Variants in LILRB3 observed in about 807,000 individuals in gnomAD.
The protein encoded by LILRB3 is leukocyte immunoglobulin-like receptor subfamily B member 3.
Under a neutral mutation model 68.2 loss-of-function variants are expected in LILRB3, and 32 were observed. The observed-to-expected ratio is 0.47, with a 90% CI of 0.35 to 0.63. The LOEUF (loss-of-function observed/expected upper bound fraction) is 0.63. LILRB3 is among the 30% of genes least tolerant of loss of function. The pLI, the probability that LILRB3 is intolerant of heterozygous loss-of-function variation, is 0.00. For missense variants in LILRB3, 502 were observed against 791.3 expected (o/e 0.63, Z 4.39); for synonymous variants, 185 against 323.1 (o/e 0.57, Z 4.58).
exon 9 of LILRB3, chr19:54,218,788 G>A: frequency 6.2e-7 from 1 of 1,614,100 alleles, no homozygotes; most frequent in Non-Finnish European, 8.5e-7. Context: ...CTGTCCTTGG[G>A]CTCTGTCTCC....
At chr19:54,219,160 G>T (rs61734492) in exon 8 of LILRB3, 1,492,333 of 1,606,916 alleles carry the variant, frequency 0.93, 693,859 homozygotes, top group East Asian at 1. Context: ...GACGCTGACG[G>T]AGGAGGAGGA....
intron 7 of LILRB3, chr19:54,219,497 T>G: frequency 6.5e-7 from 1 of 1,550,196 alleles, no homozygotes; most frequent in Non-Finnish European, 8.7e-7. Context: ...CCTGCAGCCC[T>G]TGTTCCTGCA....
At chr19:54,221,312 G>T in exon 5 of LILRB3, 2 of 1,557,150 alleles carry the variant, frequency 1.3e-6, no homozygotes, top group Non-Finnish European at 1.7e-6. Context: ...CACACTGGAG[G>T]GTCAGGCTCT....
At chr19:54,216,759 C>T (rs1344099639) in exon 13 of LILRB3, 10 of 1,198,722 alleles carry the variant, frequency 8.3e-6, no homozygotes, top group Non-Finnish European at 9.6e-6. Context: ...TCATAGCTCA[C>T]TGCAGCCTCA....
chr19:54,219,044 A>T lies in LILRB3; in HGVS notation c.1426+85T>A, dbSNP rs546938644. The T allele has an allele frequency of 1.9e-5, 29 of 1,535,382 alleles. No homozygotes were observed. The East Asian group carries it at 5.4e-4, about 29-fold the overall frequency. On this transcript the variant is annotated intron_variant, in intron 8 of 12. Transcript: ENST00000445347. ...CCCCTGGAACCGGTTTTCTAAACTG[A>T]CACCCCTGTGTGTTTGGGTTCCCTC...
exon 13 of LILRB3, chr19:54,216,523 G>T (rs2077494440): frequency 1.8e-6 from 1 of 551,814 alleles, no homozygotes; most frequent in Non-Finnish European, 2.3e-6. Flanking sequence ...TGTTAGCCAG[G>T]ATGGTCTCGA....
intron 7 of LILRB3, chr19:54,219,630 A>T (rs1314729175): frequency 2.0e-6 from 3 of 1,511,982 alleles, no homozygotes; most frequent in Middle Eastern, 2.3e-4. Context: ...CCCCTGTGGA[A>T]TCGGGTCTGG....
exon 13 of LILRB3, chr19:54,216,337 TCTCA>T (rs2147194585): frequency 7.0e-6 from 1 of 143,836 alleles, no homozygotes; most frequent in Non-Finnish European, 1.5e-5. Context: ...CGAGACGGAA[TCTCA>T]CTCTGTCGCC....
chr19:54,218,918 A>C, intron 8 of LILRB3, 80 bp from the exon 9 acceptor site: 1 of 1,597,084 alleles, frequency 6.3e-7, no homozygotes. Context: ...GGAAAGAAGG[A>C]AAACTAAAAA....
At chr19:54,217,880 G>A (rs1016579827) in intron 11 of LILRB3, among the ~76,000 whole-genome samples, 82 of 138,512 alleles carry the variant, frequency 5.9e-4, no homozygotes, top group African/African-American at 2.0e-3. Context: ...TTTCCCTGGT[G>A]TATGTTCCTT....
intron 4 of LILRB3, 169 bp downstream of exon 4, chr19:54,221,659 A>T (rs879464520): frequency 6.4e-7 from 1 of 1,565,710 alleles, no homozygotes; most frequent in Non-Finnish European, 8.6e-7. Flanking sequence ...GAACGTGGTC[A>T]AGGGCTCCTC....
In LILRB3 at chr19:54,218,349, G is replaced by A. The variant is rs753272177; in HGVS notation, c.1593+12C>T. On this transcript the variant is annotated intron_variant, in intron 11 of 12. Transcript: ENST00000445347. ...GGAGGCCTTTGGTGCCTGGGACGGGGCGGGATCTCACCTGACTGTCCAGCT... is the reference window on the plus strand; with the variant it reads ...GGAGGCCTTTGGTGCCTGGGACGGGACGGGATCTCACCTGACTGTCCAGCT... 2 of 1,613,792 alleles carry A rather than the reference G, an allele frequency of 1.2e-6. No individual in the cohort carries two copies. Among genetic ancestry groups the A allele is most frequent in the African/African-American group, 1.3e-5 (1 of 74,918 alleles).
At chr19:54,218,718 T>C in intron 9 of LILRB3, 36 bp from the exon 10 acceptor site, 1 of 1,614,058 alleles carries the variant, frequency 6.2e-7, no homozygotes, top group Non-Finnish European at 8.5e-7. Context: ...GGGCAGTGTA[T>C]GGGCTGTGGT....
rs1479629100 is a variant in LILRB3, at chr19:54,216,751, A to G, written c.*342T>C. ...CAGGCTGGAGTGCAGTGGCACAGTC[A>G]TAGCTCACTGCAGCCTCAGCAGCCT... On this transcript the variant is annotated 3_prime_UTR_variant, in exon 13 of 13. Transcript: ENST00000445347. The G allele has an allele frequency of 5.1e-6, 6 of 1,180,154 alleles. No homozygotes were observed. In the East Asian group the frequency reaches 1.6e-4, roughly 32 times the overall value. The allele number at this position is 1,180,154 out of a possible 1,614,324, so 73.1% of individuals were successfully genotyped here.
chr19:54,219,962 C>T lies in LILRB3; in HGVS notation c.1309+193G>A, dbSNP rs1049802513. The T allele has an allele frequency of 1.1e-5, 14 of 1,315,698 alleles. 3 individuals are homozygous for T. The highest frequency in any genetic ancestry group is 4.4e-5 in the African/African-American group (3 of 68,088). 81.5% of individuals were successfully genotyped at this position (1,315,698 alleles called of 1,614,324 possible). A position where few individuals can be genotyped will look rare whatever the true frequency, so the allele number is the denominator to read the frequency against. ...GGTGAAGGCTGGGGCTGTCTTGCCC[C>T]CCACATCAGCCCGGCTCCTCCTCCT... is the stretch of plus-strand genomic sequence containing the variant. On this transcript the variant is annotated intron_variant, in intron 7 of 12. Transcript: ENST00000445347.
chr19:54,219,031 G>C, intron 8 of LILRB3, 98 bp downstream of exon 8: 3 of 1,530,996 alleles, frequency 2.0e-6, no homozygotes, highest in Non-Finnish European at 2.6e-6. Flanking sequence ...CCTGGAACCG[G>C]TTTTCTAAAC....
At chr19:54,221,205 T>C (rs1284423062) in exon 5 of LILRB3, 5 of 1,559,570 alleles carry the variant, frequency 3.2e-6, no homozygotes, top group Non-Finnish European at 4.3e-6. Flanking sequence ...GAAGTTGGCC[T>C]GGGAGAGCCC....
At chr19:54,217,355 G>C in exon 12 of LILRB3, 3 of 1,587,760 alleles carry the variant, frequency 1.9e-6, no homozygotes, top group Non-Finnish European at 2.6e-6. Flanking sequence ...CCACCTGTCT[G>C]TCCTTTGTGT....
At chr19:54,222,287 C>T in exon 3 of LILRB3, 6 of 1,610,692 alleles carry the variant, frequency 3.7e-6, no homozygotes, top group Non-Finnish European at 4.2e-6. Flanking sequence ...CCTGTCATCA[C>T]CAGCTCCAGG....
Sources: allele counts gnomAD v4.1 joint callset (sites outside exome capture counted in the v4.1 genomes callset), GRCh38; gene constraint gnomAD v4.1.1; transcripts MANE v1.5; gene names NCBI Gene and HGNC (gene_info 2026-07-23, HGNC 2026-07-21).